CD9: variants seen among roughly 807,000 people sequenced by gnomAD.
CD9 encodes CD9 antigen.
A neutral mutation model predicts 31.4 loss-of-function variants in CD9; 10 were observed. The ratio of observed to expected loss-of-function variants is 0.32; its 90% CI spans 0.20 to 0.54. The LOEUF (loss-of-function observed/expected upper bound fraction) is 0.54. Among genes scored for constraint, CD9 ranks in the 20% least tolerant of loss-of-function variants. CD9 has a pLI of 0.94. For synonymous variants in CD9, 113 were observed against 114.1 expected, an observed-to-expected ratio of 0.99 and a Z score of 0.06; for missense variants, 259 against 300.1, an observed-to-expected ratio of 0.86 and a Z score of 1.01.
At position 6,235,519 on chromosome 12, in the gene CD9, C is replaced by G. The variant is rs763242756; in HGVS notation, c.491C>G (p.Ser164Ter). ...GLAGGVEQFI[S>*]DICPKKDVLE... ...GCTGGGGGCGTGGAACAGTTTATCT[C>G]AGACATCTGCCCCAAGAAGGACGTA... is the stretch of plus-strand genomic sequence containing the variant. Residue 164 changes from serine to a stop codon, truncating the protein, a stop_gained, in exon 6 of 8, where the codon TCA (serine) becomes TGA (stop). Coordinates refer to ENST00000009180, the MANE Select transcript of CD9 (RefSeq NM_001769.4). LOFTEE classifies it high-confidence loss of function. 6.2e-7 allele frequency: 1 copy of G among 1,614,036 alleles called. No homozygotes were observed.
At chr12:6,231,043 G>T (rs138435005) in intron 2 of CD9, among the ~76,000 whole-genome samples, 1 of 152,188 alleles carries the variant, frequency 6.6e-6, no homozygotes, top group African/African-American at 2.4e-5. Context: ...TGAAGTCAGC[G>T]TGTCACCTGC....
intron 1 of CD9, among the ~76,000 whole-genome samples, chr12:6,214,000 G>A (rs1471545282): frequency 6.6e-6 from 1 of 152,222 alleles, no homozygotes; most frequent in Non-Finnish European, 1.5e-5. Flanking sequence ...TGTCCCCCAA[G>A]AAAATTTCTC....
At chr12:6,222,135 G>A (rs754350558) in intron 1 of CD9, among the ~76,000 whole-genome samples, 20 of 152,192 alleles carry the variant, frequency 1.3e-4, no homozygotes, top group Non-Finnish European at 2.2e-4. Flanking sequence ...GCATTATTGG[G>A]TGGCACTGGT....
In CD9 at chr12:6,236,210, A is replaced by G; in HGVS notation, c.556A>G (p.Lys186Glu). 6.2e-7 allele frequency: 1 copy of G among 1,614,212 alleles called. No homozygotes were observed. The highest frequency in any genetic ancestry group is 8.5e-7 in the Non-Finnish European group (1 of 1,180,032). The change falls in exon 7 of 8, where the codon AAA becomes GAA. Residue 186 changes from lysine to glutamate, a missense_variant. Coordinates refer to ENST00000009180, the MANE Select transcript of CD9 (RefSeq NM_001769.4). ...FTVKSCPDAIKEVFDNKFHII... is the reference protein window; with the variant it reads ...FTVKSCPDAIEEVFDNKFHII... Reference sequence around the variant, plus strand: ...CCCCAAGTCCTGTCCTGATGCCATCAAAGAGGTCTTCGACAATAAATTCCA... The same window carrying G: ...CCCCAAGTCCTGTCCTGATGCCATCGAAGAGGTCTTCGACAATAAATTCCA...
At chr12:6,235,907 A>G in intron 6 of CD9, 3 of 1,378,518 alleles carry the variant, frequency 2.2e-6, no homozygotes, top group South Asian at 1.8e-5. Flanking sequence ...ACTCCAGAAT[A>G]GTAAAAGGTG....
chr12:6,218,690 T>C (rs1272039953), intron 1 of CD9, among the ~76,000 whole-genome samples: 1 of 152,228 alleles, frequency 6.6e-6, no homozygotes, highest in African/African-American at 2.4e-5. Flanking sequence ...CAGTGTAAGA[T>C]TTCTGAACCT....
chr12:6,236,067 C>T, intron 6 of CD9, 125 bp from the exon 7 acceptor site: 2 of 1,480,148 alleles, frequency 1.4e-6, no homozygotes, highest in Admixed American at 2.4e-5. Flanking sequence ...TATCCCCGAA[C>T]ACTCCTGTCC....
chr12:6,222,011 TG>T (rs1392056547), intron 1 of CD9, among the ~76,000 whole-genome samples: 5 of 151,950 alleles, frequency 3.3e-5, no homozygotes, highest in Non-Finnish European at 5.9e-5. Context: ...ATAAAGCAGC[TG>T]GGGTGAAAGC....
At chr12:6,201,606 G>C (rs1946078685) in intron 1 of CD9, among the ~76,000 whole-genome samples, 1 of 152,262 alleles carries the variant, frequency 6.6e-6, no homozygotes, top group Non-Finnish European at 1.5e-5. Context: ...GGAAACCCTT[G>C]TGTCCTTGTT....
chr12:6,229,395 C>T (rs1946412963), intron 2 of CD9, among the ~76,000 whole-genome samples: 2 of 152,182 alleles, frequency 1.3e-5, no homozygotes, highest in South Asian at 2.1e-4. Context: ...ATTTTTCTCC[C>T]TCCTGAAACC....
rs111612824 is a variant in CD9 at position 6,215,526 on chromosome 12, C to A, written c.67-9900C>A. ...TCCTGCTGCTGGTCTGGGGTCATTT[C>A]GAGAGCTGCTGGACTGGCATAGAGA... On this transcript the variant is annotated intron_variant, in intron 1 of 7. Coordinates refer to ENST00000009180, the MANE Select transcript of CD9 (RefSeq NM_001769.4). 2.6e-5 allele frequency among the ~76,000 whole-genome samples: 4 copies of A among 152,256 alleles called. 1 individual carries two copies. The highest frequency in any genetic ancestry group is 9.6e-5 in the African/African-American group (4 of 41,552).
rs763052687 is a variant in CD9 at position 6,232,726 on chromosome 12, A to T, written c.270A>T (p.Gly90=). ...GAVQESQCML[G]LFFGFLLVIF... Reference sequence around the variant, plus strand: ...TGCAGGAGTCCCAGTGCATGCTGGGACTGGTGAGTATCCCCTCGGCATCCC... The same window carrying T: ...TGCAGGAGTCCCAGTGCATGCTGGGTCTGGTGAGTATCCCCTCGGCATCCC... Residue 90 remains glycine, a synonymous_variant, in exon 3 of 8, where the codon GGA becomes GGT. Transcript: ENST00000009180. This position sits in a 1 kb window ranked among gnomAD's most constrained non-coding sequence, Gnocchi z 4.8. 24 of 1,551,446 alleles carry T rather than the reference A, an allele frequency of 1.5e-5. No individual in the cohort carries two copies. The South Asian group carries it at 2.5e-4, about 16-fold the overall frequency.
intron 6 of CD9, 178 bp from the exon 7 acceptor site, chr12:6,236,014 C>A (rs779227240): frequency 1.1e-5 from 16 of 1,433,012 alleles, no homozygotes; most frequent in Non-Finnish European, 1.4e-5. Context: ...CTAGCATAGC[C>A]ATCCCTTTGT....
rs766063609 is a variant in CD9, at chr12:6,232,603, G to A, written c.176-29G>A. On this transcript the variant is annotated intron_variant, in intron 2 of 7. Transcript: ENST00000009180. The surrounding 1 kb of genome is among the most constrained non-coding windows in gnomAD (Gnocchi z 4.8). ...TGGGCCTCTGAACTGATGTCTCCAC[G>A]CGTGTGTGCTTCCTCTGTCCTCCCG... 12 of 1,415,764 alleles carry A rather than the reference G, an allele frequency of 8.5e-6. No homozygotes were observed. Among genetic ancestry groups the A allele is most frequent in the African/African-American group, 2.8e-5 (2 of 70,546 alleles). 87.7% of individuals were successfully genotyped at this position (1,415,764 alleles called of 1,614,324 possible).
intron 1 of CD9, among the ~76,000 whole-genome samples, chr12:6,219,196 G>A (rs1048591936): frequency 6.6e-6 from 1 of 151,872 alleles, no homozygotes; most frequent in Non-Finnish European, 1.5e-5. Flanking sequence ...AGTAGAGACG[G>A]GGTTTCACCA....
chr12:6,227,718 C>G (rs1306875565), intron 2 of CD9, among the ~76,000 whole-genome samples: 1 of 152,180 alleles, frequency 6.6e-6, no homozygotes, highest in African/African-American at 2.4e-5. Flanking sequence ...AGCTGCTTCT[C>G]GGGTTGTCAT....
intron 6 of CD9, 30 bp from the exon 7 acceptor site, chr12:6,236,162 G>GTGACCCAGGTCTTGGTT: frequency 6.2e-7 from 1 of 1,613,558 alleles, no homozygotes; most frequent in South Asian, 1.1e-5. Flanking sequence ...AGGATTGTGT[G>GTGACCCAGGTCTTGGTT]TGACCCAGGT....
intron 7 of CD9, among the ~76,000 whole-genome samples, chr12:6,237,396 AAG>A (rs1555091336): frequency 2.0e-5 from 3 of 152,202 alleles, no homozygotes; most frequent in Non-Finnish European, 2.9e-5. Flanking sequence ...AGAAAAAAAA[AAG>A]AGTATTAAAT....
At chr12:6,224,056 C>T (rs555787849) in intron 1 of CD9, among the ~76,000 whole-genome samples, 19 of 152,250 alleles carry the variant, frequency 1.2e-4, no homozygotes, top group African/African-American at 3.9e-4. Flanking sequence ...CCCTAAGGTG[C>T]GGCTGAGAGG....
Sources: gnomAD v4.1 joint callset for allele counts (sites outside exome capture counted in the v4.1 genomes callset) on GRCh38, gnomAD v4.1.1 for gene constraint, Gnocchi (gnomAD v3.1) non-coding constraint, MANE v1.5 for transcripts, NCBI Gene and HGNC (gene_info 2026-07-23, HGNC 2026-07-21) for gene names.